RNF217: variants seen among roughly 807,000 people sequenced by gnomAD.
RNF217 encodes the protein ring finger protein 217, also known as E3 ubiquitin-protein ligase RNF217.
In RNF217, 31 loss-of-function variants were observed where a neutral mutation model predicts 57.8. That is an observed-to-expected ratio of 0.54 (90% CI 0.40 to 0.72). The LOEUF (loss-of-function observed/expected upper bound fraction) is 0.72, where lower values mean the gene tolerates loss of function less well. Ranked by LOEUF, RNF217 falls within the 30% of genes least tolerant of loss-of-function variation. RNF217 has a pLI of 0.00. For synonymous variants in RNF217, 313 were observed against 294.0 expected, an observed-to-expected ratio of 1.06 and a Z score of -0.66; for missense variants, 696 against 708.3, an observed-to-expected ratio of 0.98 and a Z score of 0.20.
intron 1 of RNF217, among the ~76,000 whole-genome samples, chr6:125,034,447 T>C (rs1244675309): frequency 6.6e-6 from 1 of 152,198 alleles, no homozygotes; most frequent in Non-Finnish European, 1.5e-5. Context: ...ATTTATTAAA[T>C]AGGGAATCCT....
chr6:125,033,539 G>A (rs1235183292), intron 1 of RNF217, among the ~76,000 whole-genome samples: 1 of 127,554 alleles, frequency 7.8e-6, no homozygotes, highest in East Asian at 2.2e-4. Context: ...ATTTTTTATG[G>A]CTGCATAGTA....
intron 1 of RNF217, among the ~76,000 whole-genome samples, chr6:125,033,197 C>A (rs1477171488): frequency 7.1e-6 from 1 of 140,852 alleles, no homozygotes; most frequent in African/African-American, 2.6e-5. Context: ...ATTCTGTGTT[C>A]TTTTTTTTTT....
intron 2 of RNF217, among the ~76,000 whole-genome samples, chr6:125,055,743 G>A (rs1454104095): frequency 7.9e-5 from 12 of 152,020 alleles, no homozygotes; most frequent in Admixed American, 7.9e-4. Flanking sequence ...ATAAGGAAAA[G>A]CAATTTTTTT....
intron 3 of RNF217, among the ~76,000 whole-genome samples, chr6:125,066,594 T>G (rs1255428837): frequency 6.6e-6 from 1 of 152,168 alleles, no homozygotes; most frequent in African/African-American, 2.4e-5. Context: ...AAACTTCCCT[T>G]GGTCACCTTA....
chr6:125,071,105 T>C (rs967299752), intron 3 of RNF217, among the ~76,000 whole-genome samples: 1 of 152,180 alleles, frequency 6.6e-6, no homozygotes, highest in African/African-American at 2.4e-5. Flanking sequence ...TTTATTGAAT[T>C]AAATGTAAAC....
intron 1 of RNF217, among the ~76,000 whole-genome samples, chr6:124,969,109 G>T (rs1421659862): frequency 6.6e-6 from 1 of 152,102 alleles, no homozygotes; most frequent in Non-Finnish European, 1.5e-5. Context: ...TATTAAGCCA[G>T]TTCTGGGACA....
At chr6:125,009,199 AT>A in intron 1 of RNF217, 1 of 1,585,822 alleles carries the variant, frequency 6.3e-7, no homozygotes, top group South Asian at 1.2e-5. Context: ...TTGAGTAAAG[AT>A]AAAGAGTAGG....
At chr6:125,016,772 CG>C (rs748832942) in intron 1 of RNF217, among the ~76,000 whole-genome samples, 4 of 131,760 alleles carry the variant, frequency 3.0e-5, no homozygotes, top group Non-Finnish European at 4.7e-5. Flanking sequence ...CATCACACAC[CG>C]GGGCCTGTGA....
chr6:125,059,363 C>A (rs951645268), intron 3 of RNF217, among the ~76,000 whole-genome samples: 1 of 152,108 alleles, frequency 6.6e-6, no homozygotes, highest in Admixed American at 6.6e-5. Context: ...ACTTATTTTT[C>A]ATTCCATTAA....
chr6:125,077,092 A>C (rs887316381), intron 4 of RNF217, among the ~76,000 whole-genome samples: 7 of 152,180 alleles, frequency 4.6e-5, no homozygotes, highest in Non-Finnish European at 1.0e-4. Flanking sequence ...AATCACACGC[A>C]GAAATCTGAA....
rs567070578 is a variant in RNF217 at position 124,993,728 on chromosome 6, A to G, written c.882+30302A>G. On this transcript the variant is annotated intron_variant, in intron 1 of 5. Coordinates refer to ENST00000521654, the MANE Select transcript of RNF217 (RefSeq NM_001286398.3). Reference sequence around the variant, plus strand: ...GGTAGGCCAGCTGTTTGTCAGGGAGAGTTTTGTAAGGAATAGTGAGGCCTC... The same window carrying G: ...GGTAGGCCAGCTGTTTGTCAGGGAGGGTTTTGTAAGGAATAGTGAGGCCTC... Among the ~76,000 whole-genome samples the G allele has an allele frequency of 6.6e-5, 10 of 152,152 alleles. No homozygotes were observed. The East Asian group carries it at 1.4e-3, about 21-fold the overall frequency.
chr6:125,050,585 C>G (rs368094518), intron 2 of RNF217, among the ~76,000 whole-genome samples: 1 of 151,908 alleles, frequency 6.6e-6, no homozygotes, highest in African/African-American at 2.4e-5. Context: ...TCGGTTGTTG[C>G]GAACTGGTGT....
intron 1 of RNF217, among the ~76,000 whole-genome samples, chr6:125,042,454 A>T (rs111232017): frequency 3.3e-3 from 502 of 152,144 alleles, no homozygotes; most frequent in African/African-American, 0.011. Context: ...GATTGCCTCT[A>T]TGTGTTCAAT....
At chr6:125,050,088 G>A (rs1386708673) in intron 2 of RNF217, among the ~76,000 whole-genome samples, 1 of 151,850 alleles carries the variant, frequency 6.6e-6, no homozygotes, top group Non-Finnish European at 1.5e-5. Context: ...GAAGAGAGGA[G>A]AGATGTGTAA....
intron 1 of RNF217, among the ~76,000 whole-genome samples, chr6:125,020,487 G>T (rs1233254050): frequency 1.3e-5 from 2 of 152,116 alleles, no homozygotes; most frequent in South Asian, 2.1e-4. Flanking sequence ...AGAATGACGG[G>T]CTGGAGCCTA....
chr6:124,996,414 G>A (rs962539000), intron 1 of RNF217, among the ~76,000 whole-genome samples: 1 of 152,044 alleles, frequency 6.6e-6, no homozygotes, highest in Non-Finnish European at 1.5e-5. Flanking sequence ...ATTGATAGGA[G>A]TTCTATTTTT....
At chr6:124,985,855 A>G (rs1784348639) in intron 1 of RNF217, among the ~76,000 whole-genome samples, 1 of 152,194 alleles carries the variant, frequency 6.6e-6, no homozygotes, top group Admixed American at 6.5e-5. Flanking sequence ...ACATTTATTA[A>G]TAAAGGGGTG....
In RNF217 at chr6:124,962,927, C is replaced by T. The variant is rs554277701; in HGVS notation, c.383C>T (p.Pro128Leu). Reference sequence around the variant, plus strand: ...GGAGGGGATGAACAGCAGGAGGCGCCCCCCGGCGAAGAGCTGGAGCCCAGG... The same window carrying T: ...GGAGGGGATGAACAGCAGGAGGCGCTCCCCGGCGAAGAGCTGGAGCCCAGG... Reference protein sequence around the residue: ...KEGGDEQQEAPPGEELEPRTR... With the variant: ...KEGGDEQQEALPGEELEPRTR... The change falls in exon 1 of 6, where the codon CCC becomes CTC. Residue 128 changes from proline to leucine, a missense_variant. By Grantham distance (98) the Pro-to-Leu change is moderately conservative. This residue lies in a region of RNF217 where 465 missense variants were observed against 386.8 expected (regional missense o/e 1.20). Coordinates refer to ENST00000521654, the MANE Select transcript of RNF217 (RefSeq NM_001286398.3). The surrounding 1 kb of genome is among the most constrained non-coding windows in gnomAD (Gnocchi z 4.6). 13 of 1,597,970 alleles carry T rather than the reference C, an allele frequency of 8.1e-6. No homozygotes were observed. The African/African-American group carries it at 1.1e-4, about 13-fold the overall frequency.
intron 1 of RNF217, among the ~76,000 whole-genome samples, chr6:125,016,039 G>T (rs1785590296): frequency 6.6e-6 from 1 of 152,068 alleles, no homozygotes; most frequent in Admixed American, 6.6e-5. Context: ...AAAAATATAA[G>T]GAAGCCCACG....
Sources: allele counts gnomAD v4.1 joint callset (sites outside exome capture counted in the v4.1 genomes callset), GRCh38; gene constraint gnomAD v4.1.1; regional missense constraint gnomAD v4.1.1; non-coding constraint Gnocchi (gnomAD v3.1); transcripts MANE v1.5; gene names NCBI Gene and HGNC (gene_info 2026-07-23, HGNC 2026-07-21).